The following MCPH1 variants were observed in gnomAD, a reference collection of about 807,000 sequenced individuals.
The protein encoded by MCPH1 is microcephalin 1.
A neutral mutation model predicts 84.5 loss-of-function variants in MCPH1; 104 were observed. The ratio of observed to expected loss-of-function variants is 1.23; its 90% CI spans 1.05 to 1.45. The LOEUF (loss-of-function observed/expected upper bound fraction) is 1.45. MCPH1 is among the 40% of genes most tolerant of loss of function. The pLI is 0.00. For synonymous variants in MCPH1, 514 were observed against 366.8 expected (o/e 1.40, Z -4.58); for missense variants, 1,498 against 1,005.7 (o/e 1.49, Z -6.62).
intron 3 of MCPH1, among the ~76,000 whole-genome samples, chr8:6,419,763 T>G (rs971356574): frequency 6.6e-6 from 1 of 152,142 alleles, no homozygotes; most frequent in Non-Finnish European, 1.5e-5. Flanking sequence ...CCTCTCAAAG[T>G]GCTGGGATTA....
chr8:6,632,092 A>G (rs1317721374), intron 13 of MCPH1, among the ~76,000 whole-genome samples: 2 of 152,224 alleles, frequency 1.3e-5, no homozygotes, highest in Non-Finnish European at 2.9e-5. Context: ...CCAAAGGACA[A>G]ATATCATACG....
intron 11 of MCPH1, among the ~76,000 whole-genome samples, chr8:6,496,207 C>T (rs894756108): frequency 2.6e-5 from 4 of 152,262 alleles, no homozygotes; most frequent in Non-Finnish European, 5.9e-5. Flanking sequence ...GACAGATCAT[C>T]AGGCGTTAGA....
chr8:6,472,992 T>A (rs2440395), intron 9 of MCPH1, among the ~76,000 whole-genome samples: 118,644 of 152,120 alleles, frequency 0.78, 47,265 homozygotes, highest in Non-Finnish European at 0.84. Flanking sequence ...AGAGACACGA[T>A]TTCTTGAATA....
At chr8:6,467,842 C>T (rs1220472405) in intron 9 of MCPH1, among the ~76,000 whole-genome samples, 1 of 152,206 alleles carries the variant, frequency 6.6e-6, no homozygotes, top group African/African-American at 2.4e-5. Flanking sequence ...AAACCATCCA[C>T]TCGCCTGGGT....
intron 12 of MCPH1, among the ~76,000 whole-genome samples, chr8:6,601,217 A>G (rs1829334879): frequency 6.6e-6 from 1 of 152,060 alleles, no homozygotes; most frequent in Non-Finnish European, 1.5e-5. Flanking sequence ...TTCCACCCTC[A>G]CAGCTCTCAG....
chr8:6,438,918 T>C, intron 5 of MCPH1, 35 bp from the exon 6 acceptor site: 1 of 1,603,034 alleles, frequency 6.2e-7, no homozygotes, highest in Non-Finnish European at 8.5e-7. Flanking sequence ...GAAGGCACTT[T>C]TTGGTCTTAA....
intron 8 of MCPH1, among the ~76,000 whole-genome samples, chr8:6,454,722 G>A (rs1460288667): frequency 6.6e-6 from 1 of 152,130 alleles, no homozygotes; most frequent in Non-Finnish European, 1.5e-5. Flanking sequence ...CTGTACTGAA[G>A]ACTATTTTCT....
intron 13 of MCPH1, among the ~76,000 whole-genome samples, chr8:6,627,812 G>C (rs1397263788): frequency 6.6e-6 from 1 of 152,138 alleles, no homozygotes; most frequent in African/African-American, 2.4e-5. Flanking sequence ...GATCACCTGA[G>C]CTCAGGGAGG....
At chr8:6,408,775 C>T (rs1563162245) in intron 1 of MCPH1, among the ~76,000 whole-genome samples, 1 of 152,182 alleles carries the variant, frequency 6.6e-6, no homozygotes, top group Non-Finnish European at 1.5e-5. Flanking sequence ...GTTGCCCAGG[C>T]TGGTCTCAAA....
intron 12 of MCPH1, among the ~76,000 whole-genome samples, chr8:6,564,770 C>T (rs947309351): frequency 2.6e-5 from 4 of 152,182 alleles, no homozygotes; most frequent in Admixed American, 1.3e-4. Flanking sequence ...ACTTTCTCAT[C>T]CTCAGAAATC....
chr8:6,410,331 T>A (rs1798361063), intron 2 of MCPH1, among the ~76,000 whole-genome samples: 1 of 152,038 alleles, frequency 6.6e-6, no homozygotes, highest in Non-Finnish European at 1.5e-5. Context: ...AAAGATAGAA[T>A]TTTTAAAAAC....
rs749349051 is a variant in MCPH1, at chr8:6,436,104, A to T, written c.378A>T (p.Arg126Ser). ...FNFKTPENDK[R>S]FQKKFEKMAK... Reference sequence around the variant, plus strand: ...TTAAAACACCAGAAAATGATAAGAGATTTCAGAAGAAATTTGAGAAAATGG... The same window carrying T: ...TTAAAACACCAGAAAATGATAAGAGTTTTCAGAAGAAATTTGAGAAAATGG... Residue 126 changes from arginine to serine, a missense_variant, in exon 5 of 14, where the codon AGA becomes AGT. By Grantham distance (110) the Arg-to-Ser change is moderately radical (BLOSUM62 -1). Transcript: ENST00000344683. 1 of 1,613,748 alleles carries T rather than the reference A, an allele frequency of 6.2e-7. No individual in the cohort carries two copies. Among genetic ancestry groups the T allele is most frequent in the Non-Finnish European group, 8.5e-7 (1 of 1,179,830 alleles).
At chr8:6,566,684 T>C (rs1464179629) in intron 12 of MCPH1, among the ~76,000 whole-genome samples, 2 of 150,596 alleles carry the variant, frequency 1.3e-5, no homozygotes, top group African/African-American at 4.9e-5. Flanking sequence ...GGCAAGGCCA[T>C]GGATAGTGAA....
intron 9 of MCPH1, among the ~76,000 whole-genome samples, chr8:6,475,910 A>G (rs1327386129): frequency 6.6e-6 from 1 of 152,176 alleles, no homozygotes; most frequent in Non-Finnish European, 1.5e-5. Context: ...GTCACCAGAA[A>G]GAGGAGGTGT....
intron 12 of MCPH1, chr8:6,620,084 G>A (rs1971314): frequency 0.49 from 73,766 of 151,954 alleles, 18,853 homozygotes; most frequent in East Asian, 0.71. Flanking sequence ...AATTAAATCA[G>A]TAGCCCTTTC....
intron 9 of MCPH1, among the ~76,000 whole-genome samples, chr8:6,471,679 A>G (rs746559787): frequency 9.2e-5 from 14 of 151,582 alleles, no homozygotes; most frequent in East Asian, 3.9e-4. Flanking sequence ...AGTCTCATGA[A>G]TCCGTCTGCT....
intron 12 of MCPH1, among the ~76,000 whole-genome samples, chr8:6,604,895 T>G (rs1166698327): frequency 1.3e-5 from 2 of 152,122 alleles, no homozygotes; most frequent in Admixed American, 6.5e-5. Flanking sequence ...GGAAATTGAG[T>G]CTCTAAGTAA....
chr8:6,441,930 C>CT (rs1442954617), intron 6 of MCPH1, 137 bp from the exon 7 acceptor site: 2 of 669,478 alleles, frequency 3.0e-6, no homozygotes, highest in African/African-American at 3.6e-5. Flanking sequence ...GGCAAGTTGA[C>CT]TTTAAGATCC....
intron 12 of MCPH1, chr8:6,532,459 T>G (rs908220774): frequency 1.2e-6 from 2 of 1,613,788 alleles, no homozygotes; most frequent in African/African-American, 2.7e-5. Context: ...CATTTCTTTC[T>G]TCATGTTGTC....
Sources: allele counts gnomAD v4.1 joint callset (sites outside exome capture counted in the v4.1 genomes callset), GRCh38; gene constraint gnomAD v4.1.1; transcripts MANE v1.5; gene names NCBI Gene and HGNC (gene_info 2026-07-23, HGNC 2026-07-21).